The following ALOX5AP variants were observed in gnomAD, a reference collection of about 807,000 sequenced individuals.
The protein encoded by ALOX5AP is arachidonate 5-lipoxygenase-activating protein.
In ALOX5AP, 9 loss-of-function variants were observed where a neutral mutation model predicts 18.5. The ratio of observed to expected loss-of-function variants is 0.49; its 90% CI spans 0.29 to 0.85. The LOEUF is 0.85. Among genes scored for constraint, ALOX5AP ranks in the 40% least tolerant of loss-of-function variants. The probability of loss-of-function intolerance (pLI) is 0.08; values close to 1 mark genes in which losing one functional copy is unlikely to be tolerated. For missense variants in ALOX5AP, 172 were observed against 202.5 expected, an observed-to-expected ratio of 0.85 and a Z score of 0.91; for synonymous variants, 81 against 78.6, an observed-to-expected ratio of 1.03 and a Z score of -0.16.
exon 1 of ALOX5AP, chr13:30,713,811 G>A: frequency 6.5e-7 from 1 of 1,535,422 alleles, no homozygotes; most frequent in Non-Finnish European, 8.7e-7. Flanking sequence ...GGCACCTTGG[G>A]GCACATTGGG....
intron 1 of ALOX5AP, among the ~76,000 whole-genome samples, chr13:30,719,104 G>C (rs925438052): frequency 6.6e-6 from 1 of 152,146 alleles, no homozygotes; most frequent in Non-Finnish European, 1.5e-5. Context: ...TCAGTTGTCA[G>C]CTAGTTGTGC....
At chr13:30,720,482 A>G (rs923627216) in intron 1 of ALOX5AP, among the ~76,000 whole-genome samples, 9 of 152,256 alleles carry the variant, frequency 5.9e-5, no homozygotes, top group Admixed American at 1.3e-4. Context: ...TGAGCATTTC[A>G]TATTAATAAC....
chr13:30,735,457 AAAG>A (rs1389535115), upstream of ALOX5AP: 8 of 1,264,444 alleles, frequency 6.3e-6, no homozygotes, highest in East Asian at 2.8e-5. Context: ...AAAAAAAAAA[AAAG>A]GAAGAAGAAG....
At position 30,741,831 on chromosome 13, in the gene ALOX5AP, GT is replaced by G. The variant is rs770976174; in HGVS notation, c.71-2211del. ...GTTCAGTCCAGACAAATGGTTTTCT[GT>G]TTTTTTTTTTTTTTTTTAATATTTT... On this transcript the variant is annotated intron_variant, in intron 1 of 4. Transcript: ENST00000380490. Among the ~76,000 whole-genome samples, 854 of 133,932 alleles carry G rather than the reference GT, an allele frequency of 6.4e-3. 9 individuals carry two copies. The highest frequency in any genetic ancestry group is 0.02 in the African/African-American group (713 of 35,386). The allele number at this position is 133,932 out of a possible 152,430, so 87.9% of individuals were successfully genotyped here.
upstream of ALOX5AP, among the ~76,000 whole-genome samples, chr13:30,730,620 G>A (rs556296086): frequency 6.6e-6 from 1 of 152,292 alleles, no homozygotes; most frequent in South Asian, 2.1e-4. Flanking sequence ...ACCCTGAATG[G>A]GGAGTGGAGG....
chr13:30,733,498 C>T (rs932630914), upstream of ALOX5AP, among the ~76,000 whole-genome samples: 2 of 152,250 alleles, frequency 1.3e-5, no homozygotes, highest in South Asian at 4.1e-4. Flanking sequence ...AATTGGATCT[C>T]ACTAAGGTGA....
At chr13:30,763,848 T>G in intron 4 of ALOX5AP, 96 bp from the exon 5 acceptor site, 2 of 1,183,738 alleles carry the variant, frequency 1.7e-6, no homozygotes, top group Non-Finnish European at 2.4e-6. Context: ...AGCTATAATT[T>G]AAACCCCATA....
chr13:30,743,742 T>A (rs1437269655), intron 1 of ALOX5AP, among the ~76,000 whole-genome samples: 1 of 152,102 alleles, frequency 6.6e-6, no homozygotes, highest in Admixed American at 6.5e-5. Context: ...GAAAGCACCA[T>A]GTACTCAATC....
At position 30,752,069 on chromosome 13, in the gene ALOX5AP, C is replaced by T. The variant is rs779898044; in HGVS notation, c.188C>T (p.Ala63Val). 1.1e-5 allele frequency: 17 copies of T among 1,609,874 alleles called. 1 individual carries two copies. In the East Asian group the frequency reaches 2.2e-4, roughly 21 times the overall value. ...VYTANQNCVD[A>V]YPTFLAVLWS... ...TTCTGCAGCCAGAACTGTGTAGATG[C>T]GTACCCCACTTTCCTCGCTGTGCTC... The change falls in exon 3 of 5, where the codon GCG (alanine) becomes GTG (valine). Residue 63 changes from alanine to valine, a missense_variant. Coordinates refer to ENST00000380490, the MANE Select transcript of ALOX5AP (RefSeq NM_001629.4).
intron 3 of ALOX5AP, among the ~76,000 whole-genome samples, chr13:30,752,670 G>A (rs151140477): frequency 8.7e-4 from 133 of 152,270 alleles, no homozygotes; most frequent in African/African-American, 3.2e-3. Flanking sequence ...TCATACTTTT[G>A]GTCCCCTTTC....
At chr13:30,754,047 C>T (rs1951872603) in intron 3 of ALOX5AP, among the ~76,000 whole-genome samples, 1 of 152,280 alleles carries the variant, frequency 6.6e-6, no homozygotes, top group Admixed American at 6.5e-5. Flanking sequence ...CGACAACAGC[C>T]TGACCAACAT....
intron 2 of ALOX5AP, among the ~76,000 whole-genome samples, chr13:30,745,155 G>A (rs908679932): frequency 1.3e-5 from 2 of 152,188 alleles, no homozygotes; most frequent in African/African-American, 4.8e-5. Context: ...GGCTTCAAGG[G>A]ATCTCGACTG....
chr13:30,721,318 A>G (rs754602139), intron 1 of ALOX5AP, among the ~76,000 whole-genome samples: 3 of 152,246 alleles, frequency 2.0e-5, no homozygotes, highest in Non-Finnish European at 2.9e-5. Context: ...CCAAGCAAGG[A>G]GAACTTCAGC....
chr13:30,734,528 G>C (rs1201878425), upstream of ALOX5AP, among the ~76,000 whole-genome samples: 2 of 152,206 alleles, frequency 1.3e-5, no homozygotes, highest in Non-Finnish European at 2.9e-5. Context: ...TAACCTCAGA[G>C]GGATTGCCAT....
chr13:30,719,127 G>A (rs1369365379), intron 1 of ALOX5AP, among the ~76,000 whole-genome samples: 1 of 152,216 alleles, frequency 6.6e-6, no homozygotes, highest in Non-Finnish European at 1.5e-5. Flanking sequence ...TGAAGGGAAA[G>A]GGACCTACAC....
intron 1 of ALOX5AP, among the ~76,000 whole-genome samples, chr13:30,717,749 C>T (rs9579642): frequency 0.17 from 26,530 of 152,048 alleles, 3,364 homozygotes; most frequent in African/African-American, 0.35. Flanking sequence ...CTATCAGCCT[C>T]TACATGTTCA....
intron 1 of ALOX5AP, among the ~76,000 whole-genome samples, chr13:30,730,383 G>A (rs949843237): frequency 1.3e-5 from 2 of 152,168 alleles, no homozygotes; most frequent in Non-Finnish European, 1.5e-5. Context: ...TGTGACATCT[G>A]GAACAGACCA....
At position 30,713,599 on chromosome 13, in the gene ALOX5AP, C is replaced by A. The variant is rs59424095; in HGVS notation, c.-127C>A. On this transcript the variant is annotated 5_prime_UTR_variant, in exon 1 of 6. Coordinates refer to the ALOX5AP transcript ENST00000617770. ...CCTGATTCCTGCACCCCACCTTTGC[C>A]CCCTCACACCTCCTCTCATCTCCCG... 8,669 of 680,262 alleles carry A rather than the reference C, an allele frequency of 0.013. 526 individuals carry two copies. In the African/African-American group the frequency reaches 0.13, roughly 10 times the overall value. The allele number at this position is 680,262 out of a possible 1,614,324, so 42.1% of individuals were successfully genotyped here. A position where few individuals can be genotyped will look rare whatever the true frequency, so the allele number is the denominator to read the frequency against.
intron 2 of ALOX5AP, among the ~76,000 whole-genome samples, chr13:30,751,788 C>T (rs890058392): frequency 1.3e-5 from 2 of 152,222 alleles, no homozygotes; most frequent in Non-Finnish European, 2.9e-5. Context: ...CAGAGGAATA[C>T]ATCAAGAAAC....
Sources: gnomAD v4.1 joint callset for allele counts (sites outside exome capture counted in the v4.1 genomes callset) on GRCh38, gnomAD v4.1.1 for gene constraint, MANE v1.5 for transcripts, NCBI Gene and HGNC (gene_info 2026-07-23, HGNC 2026-07-21) for gene names.